CHCHD3: variants seen among roughly 807,000 people sequenced by gnomAD.
The protein encoded by CHCHD3 is MICOS complex subunit MIC19.
Under a neutral mutation model 38.2 loss-of-function variants are expected in CHCHD3, and 20 were observed. The observed-to-expected ratio is 0.52, with a 90% CI of 0.37 to 0.76. CHCHD3 has a LOEUF of 0.76. Among genes scored for constraint, CHCHD3 ranks in the 30% least tolerant of loss-of-function variants. CHCHD3 has a pLI of 0.00. For missense variants in CHCHD3, 245 were observed against 279.2 expected, an observed-to-expected ratio of 0.88 and a Z score of 0.87; for synonymous variants, 82 against 100.0, an observed-to-expected ratio of 0.82 and a Z score of 1.07.
chr7:132,856,583 T>C (rs1392251099), intron 5 of CHCHD3, among the ~76,000 whole-genome samples: 1 of 152,180 alleles, frequency 6.6e-6, no homozygotes, highest in Non-Finnish European at 1.5e-5. Flanking sequence ...AACGTCGCCT[T>C]ATTGCTCAGT....
chr7:132,929,014 A>G (rs1384019300), intron 4 of CHCHD3, among the ~76,000 whole-genome samples: 1 of 152,084 alleles, frequency 6.6e-6, no homozygotes, highest in Non-Finnish European at 1.5e-5. Context: ...ACTCTCAAAC[A>G]TATTAATACC....
chr7:132,803,313 T>C lies in CHCHD3; in HGVS notation c.525-6736A>G, dbSNP rs547449976. On this transcript the variant is annotated intron_variant, in intron 6 of 7. Transcript: ENST00000262570. ...ATCTTAACACAGACCAAACTTTTTA[T>C]TTGAATATCTCAATTAGGTTTCAGG... 2.0e-5 allele frequency among the ~76,000 whole-genome samples: 3 copies of C among 152,012 alleles called. No individual in the cohort carries two copies. In the East Asian group the frequency reaches 5.8e-4, roughly 29 times the overall value.
At chr7:132,798,232 C>T (rs1383247045) in intron 6 of CHCHD3, among the ~76,000 whole-genome samples, 1 of 152,130 alleles carries the variant, frequency 6.6e-6, no homozygotes, top group African/African-American at 2.4e-5. Flanking sequence ...AATGTTTCAA[C>T]AATTTTTCTA....
At position 132,796,563 on chromosome 7, in the gene CHCHD3, T is replaced by TGA; in HGVS notation, c.537_538dup (p.His180LeufsTer78). ...GGCCTGCAGATCAGCACAGACTGGA[T>TGA]GAGACTCATATCGCCTGAAAACAAA... is the stretch of plus-strand genomic sequence containing the variant. On this transcript the variant is annotated frameshift_variant, in exon 7 of 8. Transcript: ENST00000262570. LOFTEE classifies it high-confidence loss of function. 6.2e-7 allele frequency: 1 copy of TGA among 1,613,770 alleles called. No individual in the cohort carries two copies. Among genetic ancestry groups the TGA allele is most frequent in the Non-Finnish European group, 8.5e-7 (1 of 1,179,780 alleles).
intron 5 of CHCHD3, among the ~76,000 whole-genome samples, chr7:132,843,807 G>T (rs1364461296): frequency 6.6e-6 from 1 of 151,878 alleles, no homozygotes. Flanking sequence ...GTTCGTAGTA[G>T]GATATATATC....
chr7:132,920,596 G>A (rs546729172), intron 4 of CHCHD3, among the ~76,000 whole-genome samples: 8 of 152,170 alleles, frequency 5.3e-5, no homozygotes, highest in South Asian at 4.2e-4. Flanking sequence ...TTACTCTGTC[G>A]TCATGAAAAA....
intron 6 of CHCHD3, among the ~76,000 whole-genome samples, chr7:132,821,102 T>G (rs185854569): frequency 6.6e-6 from 1 of 152,338 alleles, no homozygotes; most frequent in East Asian, 1.9e-4. Context: ...ATTGTAATTT[T>G]ATTGCGTTCA....
intron 5 of CHCHD3, among the ~76,000 whole-genome samples, chr7:132,864,140 C>A (rs934769308): frequency 6.6e-6 from 1 of 152,168 alleles, no homozygotes; most frequent in Non-Finnish European, 1.5e-5. Flanking sequence ...TGCACATATC[C>A]TTCTCATTAA....
At chr7:132,938,502 T>C (rs765289637) in intron 4 of CHCHD3, among the ~76,000 whole-genome samples, 1 of 152,066 alleles carries the variant, frequency 6.6e-6, no homozygotes, top group Non-Finnish European at 1.5e-5. Flanking sequence ...CCAGAGTCAC[T>C]TGAAATTTAA....
chr7:132,980,863 T>C (rs1233412797), intron 3 of CHCHD3, among the ~76,000 whole-genome samples: 1 of 152,238 alleles, frequency 6.6e-6, no homozygotes, highest in Non-Finnish European at 1.5e-5. Flanking sequence ...AGTTTGACTT[T>C]ACTCTAAAGA....
chr7:132,936,857 T>C (rs1226490629), intron 4 of CHCHD3, among the ~76,000 whole-genome samples: 1 of 152,210 alleles, frequency 6.6e-6, no homozygotes, highest in Non-Finnish European at 1.5e-5. Context: ...CCCCCATTGC[T>C]TGCAGTTAAA....
At chr7:132,847,446 TGG>T (rs2117110186) in intron 5 of CHCHD3, 1 of 152,302 alleles carries the variant, frequency 6.6e-6, no homozygotes, top group South Asian at 2.1e-4. Flanking sequence ...TAAACTAATT[TGG>T]GGTATGGGGG....
chr7:133,004,239 G>A (rs1049571020), intron 3 of CHCHD3, among the ~76,000 whole-genome samples: 1 of 152,192 alleles, frequency 6.6e-6, no homozygotes, highest in African/African-American at 2.4e-5. Context: ...TGGGATTACA[G>A]GCATGAGCCA....
At chr7:132,973,300 G>A (rs974216712) in intron 4 of CHCHD3, 1 of 985,378 alleles carries the variant, frequency 1.0e-6, no homozygotes, top group Non-Finnish European at 1.2e-6. Context: ...CCTCAAACAT[G>A]AGCACTATTA....
At chr7:133,008,485 T>C (rs1284934606) in intron 3 of CHCHD3, among the ~76,000 whole-genome samples, 1 of 151,308 alleles carries the variant, frequency 6.6e-6, no homozygotes, top group Non-Finnish European at 1.5e-5. Context: ...TATTTATATG[T>C]CACAGCAAGG....
At position 133,065,147 on chromosome 7, in the gene CHCHD3, C is replaced by T. The variant is rs184110447; in HGVS notation, c.169+4995G>A. ...AAGCAAACCAATATAGTTGAGATAACGCAGCAAAAAAATTGAGGCAGCAAG... is the reference window on the plus strand; with the variant it reads ...AAGCAAACCAATATAGTTGAGATAATGCAGCAAAAAAATTGAGGCAGCAAG... On this transcript the variant is annotated intron_variant, in intron 2 of 7. Coordinates refer to ENST00000262570, the MANE Select transcript of CHCHD3 (RefSeq NM_017812.4). Among the ~76,000 whole-genome samples, 477 of 152,040 alleles carry T rather than the reference C, an allele frequency of 3.1e-3. 3 individuals are homozygous for T. In the South Asian group the frequency reaches 0.037, roughly 12 times the overall value.
intron 7 of CHCHD3, among the ~76,000 whole-genome samples, chr7:132,786,143 A>C (rs1806310932): frequency 6.6e-6 from 1 of 152,144 alleles, no homozygotes; most frequent in Admixed American, 6.5e-5. Context: ...ATGCCACTGT[A>C]CTCCAGCTTG....
Position 132,808,928 on chromosome 7 carries a change from G to C in CHCHD3, c.525-12351C>G, listed in dbSNP as rs555564185. ...AAATCATCATTCTCAGTAAACTATCGCAAGAACAAAAAACCTTTTTTTAAA... is the reference window on the plus strand; with the variant it reads ...AAATCATCATTCTCAGTAAACTATCCCAAGAACAAAAAACCTTTTTTTAAA... On this transcript the variant is annotated intron_variant, in intron 6 of 7. Transcript: ENST00000262570. Among the ~76,000 whole-genome samples, 6 of 127,680 alleles carry C rather than the reference G, an allele frequency of 4.7e-5. No individual in the cohort carries two copies. The Admixed American group carries it at 6.3e-4, about 13-fold the overall frequency. The allele number at this position is 127,680 out of a possible 152,430, so 83.8% of individuals were successfully genotyped here.
chr7:132,931,311 A>G (rs1402146349), intron 4 of CHCHD3, among the ~76,000 whole-genome samples: 2 of 152,248 alleles, frequency 1.3e-5, no homozygotes, highest in Non-Finnish European at 2.9e-5. Flanking sequence ...TACAATGCAA[A>G]CAAATATAAG....
Sources: allele counts gnomAD v4.1 joint callset (sites outside exome capture counted in the v4.1 genomes callset), GRCh38; gene constraint gnomAD v4.1.1; transcripts MANE v1.5; gene names NCBI Gene and HGNC (gene_info 2026-07-23, HGNC 2026-07-21).